TRPM3: variants seen among roughly 807,000 people sequenced by gnomAD.
TRPM3 encodes long transient receptor potential channel 3.
TRPM3 carries 77 observed loss-of-function variants against 181.2 expected under a neutral mutation model. The observed-to-expected ratio is 0.42, with a 90% CI of 0.35 to 0.51. TRPM3 has a LOEUF of 0.51. TRPM3 is among the 20% of genes least tolerant of loss of function. The pLI, the probability that TRPM3 is intolerant of heterozygous loss-of-function variation, is 0.01. For missense variants in TRPM3, 1,759 were observed against 2,196.7 expected (o/e 0.80, Z 3.98); for synonymous variants, 745 against 796.4 (o/e 0.94, Z 1.09).
chr9:70,596,304 G>A (rs552404072), intron 21 of TRPM3, among the ~76,000 whole-genome samples: 5 of 152,146 alleles, frequency 3.3e-5, no homozygotes, highest in African/African-American at 4.8e-5. Flanking sequence ...GCATGAGTTT[G>A]TTAGTGATTT....
intron 1 of TRPM3, among the ~76,000 whole-genome samples, chr9:71,052,390 A>T (rs1591002494): frequency 6.6e-6 from 1 of 152,266 alleles, no homozygotes; most frequent in East Asian, 1.9e-4. Context: ...ACCAGTTCTC[A>T]TTAGCTGGCT....
At chr9:70,641,906 G>C (rs2058114936) in intron 9 of TRPM3, among the ~76,000 whole-genome samples, 1 of 152,178 alleles carries the variant, frequency 6.6e-6, no homozygotes, top group African/African-American at 2.4e-5. Flanking sequence ...AGCCACTGTT[G>C]ATTATTTGTG....
At chr9:70,659,092 T>C (rs1051524674) in intron 9 of TRPM3, among the ~76,000 whole-genome samples, 1 of 152,162 alleles carries the variant, frequency 6.6e-6, no homozygotes, top group Admixed American at 6.6e-5. Flanking sequence ...TCTTAACTTA[T>C]GGCAATACAG....
intron 1 of TRPM3, among the ~76,000 whole-genome samples, chr9:71,197,400 T>C (rs2078454218): frequency 6.6e-6 from 1 of 152,162 alleles, no homozygotes; most frequent in African/African-American, 2.4e-5. Flanking sequence ...ATGGGATGGC[T>C]GGGTCAAATG....
rs542594534 is a variant in TRPM3, at chr9:70,618,319, C to T, written c.2358+548G>A. Among the ~76,000 whole-genome samples the T allele has an allele frequency of 2.0e-5, 3 of 152,266 alleles. No homozygotes were observed. The South Asian group carries it at 6.2e-4, about 32-fold the overall frequency. Reference sequence around the variant, plus strand: ...CTATACATAGACACATTAAAAATGGCCTCAGATTATATACAGTGGTCTGTG... The same window carrying T: ...CTATACATAGACACATTAAAAATGGTCTCAGATTATATACAGTGGTCTGTG... On this transcript the variant is annotated intron_variant, in intron 17 of 25. Transcript: ENST00000677713.
intron 25 of TRPM3, among the ~76,000 whole-genome samples, 160 bp from the exon 26 acceptor site, chr9:70,537,565 G>T (rs2042115878): frequency 6.6e-6 from 1 of 152,296 alleles, no homozygotes; most frequent in South Asian, 2.1e-4. Flanking sequence ...GAATGACATT[G>T]ATGCTGTGAA....
chr9:71,086,210 G>A lies in TRPM3; in HGVS notation c.177+34968C>T, dbSNP rs115355697. On this transcript the variant is annotated intron_variant, in intron 1 of 25. Coordinates refer to ENST00000677713, the MANE Select transcript of TRPM3 (RefSeq NM_001366145.2). ...TGGGGACTACTAGGTGTGGGAGGGA[G>A]GGAGGAGGGCAAGGTTTGAAAAACT... 9.4e-3 allele frequency among the ~76,000 whole-genome samples: 1,422 copies of A among 152,022 alleles called. 27 individuals are homozygous for A. The highest frequency in any genetic ancestry group is 0.031 in the African/African-American group (1,304 of 41,512).
At chr9:71,285,766 T>C (rs1385595948) in intron 1 of TRPM3, among the ~76,000 whole-genome samples, 1 of 152,196 alleles carries the variant, frequency 6.6e-6, no homozygotes, top group East Asian at 1.9e-4. Context: ...TTCACCAGCC[T>C]AACTTCCCAG....
chr9:70,940,405 T>C (rs1420705527), intron 1 of TRPM3, among the ~76,000 whole-genome samples: 1 of 152,210 alleles, frequency 6.6e-6, no homozygotes, highest in Non-Finnish European at 1.5e-5. Context: ...AAGGACGGCA[T>C]GAATGCAAGT....
intron 1 of TRPM3, among the ~76,000 whole-genome samples, chr9:71,307,481 A>C (rs1213179526): frequency 6.6e-6 from 1 of 152,156 alleles, no homozygotes; most frequent in Non-Finnish European, 1.5e-5. Context: ...GTAGTAAATT[A>C]TATAAAACAT....
intron 3 of TRPM3, among the ~76,000 whole-genome samples, chr9:70,861,330 G>A (rs2095514480): frequency 1.3e-5 from 2 of 152,134 alleles, no homozygotes; most frequent in Admixed American, 1.3e-4. Flanking sequence ...GGTCATCAGA[G>A]TCTCCTAAGG....
At chr9:71,195,957 G>C (rs150310312) in intron 1 of TRPM3, among the ~76,000 whole-genome samples, 4 of 151,370 alleles carry the variant, frequency 2.6e-5, no homozygotes, top group African/African-American at 9.7e-5. Flanking sequence ...GGGCCTACCA[G>C]AGGATGGAGA....
chr9:70,960,899 G>A (rs2097129975), intron 1 of TRPM3, among the ~76,000 whole-genome samples: 1 of 152,156 alleles, frequency 6.6e-6, no homozygotes, highest in Non-Finnish European at 1.5e-5. Context: ...GTGCTGTGTA[G>A]GATCAACTTC....
intron 1 of TRPM3, among the ~76,000 whole-genome samples, chr9:71,315,457 G>A (rs999952588): frequency 2.0e-5 from 3 of 151,982 alleles, no homozygotes; most frequent in Non-Finnish European, 2.9e-5. Context: ...CCCATGACAC[G>A]AACTTATCTT....
At chr9:70,642,985 T>C (rs1169778599) in intron 9 of TRPM3, among the ~76,000 whole-genome samples, 2 of 152,188 alleles carry the variant, frequency 1.3e-5, no homozygotes, top group Non-Finnish European at 2.9e-5. Context: ...CCTTCGTAGG[T>C]TGAAGAGCAT....
At chr9:70,630,502 G>T (rs926373586) in intron 12 of TRPM3, among the ~76,000 whole-genome samples, 1 of 152,334 alleles carries the variant, frequency 6.6e-6, no homozygotes, top group East Asian at 1.9e-4. Context: ...TCTGGAAAAA[G>T]CAGAGAAGGT....
Position 70,536,192 on chromosome 9 carries a change from C to A in TRPM3, c.4921G>T (p.Val1641Phe). 1 of 1,614,202 alleles carries A rather than the reference C, an allele frequency of 6.2e-7. No individual in the cohort carries two copies. Among genetic ancestry groups the A allele is most frequent in the East Asian group, 2.2e-5 (1 of 44,872 alleles). Residue 1641 changes from valine to phenylalanine, a missense_variant, in exon 26 of 26, where the codon GTT becomes TTT. Around this residue, in one of 8 missense-constraint regions of TRPM3, gnomAD observed 612 missense variants for 590.0 expected, o/e 1.04. Transcript: ENST00000677713. ...SERTLSNNIT[V>F]PKIERANSYS... ...CTGTTGGCGCGCTCTATCTTGGGAA[C>A]AGTGATGTTGTTGGACAGGGTTCTC...
At chr9:70,997,708 CTG>C (rs544984902) in intron 1 of TRPM3, among the ~76,000 whole-genome samples, 4 of 152,160 alleles carry the variant, frequency 2.6e-5, no homozygotes, top group Non-Finnish European at 5.9e-5. Flanking sequence ...AGGCCACACT[CTG>C]TAGTTAATTT....
intron 1 of TRPM3, among the ~76,000 whole-genome samples, chr9:71,348,809 G>A (rs1406674818): frequency 1.3e-5 from 2 of 151,868 alleles, no homozygotes; most frequent in Non-Finnish European, 2.9e-5. Flanking sequence ...GGCCTCAAAT[G>A]AGCCACCCAC....
Sources: gnomAD v4.1 joint callset for allele counts (sites outside exome capture counted in the v4.1 genomes callset) on GRCh38, gnomAD v4.1.1 for gene constraint, gnomAD v4.1.1 regional missense constraint, MANE v1.5 for transcripts, NCBI Gene and HGNC (gene_info 2026-07-23, HGNC 2026-07-21) for gene names.